HIKESHI: variants seen among roughly 807,000 people sequenced by gnomAD.
HIKESHI encodes the protein protein Hikeshi.
HIKESHI carries 13 observed loss-of-function variants against 25.7 expected under a neutral mutation model. The observed-to-expected ratio is 0.51, with a 90% CI of 0.33 to 0.80. HIKESHI has a LOEUF of 0.80. Among genes scored for constraint, HIKESHI ranks in the 30% least tolerant of loss-of-function variants. The pLI, the probability that HIKESHI is intolerant of heterozygous loss-of-function variation, is 0.02. For missense variants in HIKESHI, 174 were observed against 229.5 expected, an observed-to-expected ratio of 0.76 and a Z score of 1.56; for synonymous variants, 76 against 78.7, an observed-to-expected ratio of 0.97 and a Z score of 0.18.
At position 86,302,356 on chromosome 11, in the gene HIKESHI, C is replaced by T; in HGVS notation, c.-93C>T. 6.7e-7 allele frequency: 1 copy of T among 1,497,840 alleles called. No homozygotes were observed. 92.8% of individuals were successfully genotyped at this position (1,497,840 alleles called of 1,614,324 possible). ...AGGGGCAGACACCCTCCCGCAAATT[C>T]TGGAAGGTTCTTAGTCTCGACTAGG... is the stretch of plus-strand genomic sequence containing the variant. On this transcript the variant is annotated 5_prime_UTR_variant, in exon 1 of 5. Coordinates refer to ENST00000278483, the MANE Select transcript of HIKESHI (RefSeq NM_016401.4).
chr11:86,305,513 A>T (rs1324284753), intron 1 of HIKESHI, among the ~76,000 whole-genome samples: 1 of 151,890 alleles, frequency 6.6e-6, no homozygotes, highest in African/African-American at 2.4e-5. Flanking sequence ...TAGCCTCCCG[A>T]GTACCTGGGA....
At chr11:86,321,913 A>G (rs191393386) in intron 2 of HIKESHI, among the ~76,000 whole-genome samples, 22 of 152,280 alleles carry the variant, frequency 1.4e-4, no homozygotes, top group Middle Eastern at 3.4e-3. Context: ...AGTTTTAAGC[A>G]TTCTAATAGG....
intron 1 of HIKESHI, among the ~76,000 whole-genome samples, chr11:86,305,629 T>C (rs1157517386): frequency 6.6e-6 from 1 of 150,918 alleles, no homozygotes; most frequent in African/African-American, 2.4e-5. Flanking sequence ...CGTGTGATCC[T>C]GGCCTCCCAG....
At chr11:86,338,102 A>G (rs1477475669) in intron 3 of HIKESHI, among the ~76,000 whole-genome samples, 7 of 152,236 alleles carry the variant, frequency 4.6e-5, no homozygotes, top group Non-Finnish European at 7.3e-5. Context: ...TCCATGCTGT[A>G]CAATAGATTT....
At chr11:86,307,458 T>A (rs1946667396) in intron 2 of HIKESHI, among the ~76,000 whole-genome samples, 1 of 139,078 alleles carries the variant, frequency 7.2e-6, no homozygotes, top group African/African-American at 2.6e-5. Flanking sequence ...ATATATTATG[T>A]GTAGTATACA....
chr11:86,302,965 T>C (rs1946534980), intron 1 of HIKESHI, among the ~76,000 whole-genome samples: 1 of 152,192 alleles, frequency 6.6e-6, no homozygotes, highest in Admixed American at 6.5e-5. Flanking sequence ...GGAATGTATA[T>C]CTTTTGGGTC....
intron 2 of HIKESHI, among the ~76,000 whole-genome samples, chr11:86,319,813 T>C (rs907513524): frequency 1.3e-5 from 2 of 152,174 alleles, no homozygotes; most frequent in Non-Finnish European, 1.5e-5. Context: ...GGCAGGATTC[T>C]TATAGGTGGT....
intron 2 of HIKESHI, among the ~76,000 whole-genome samples, chr11:86,307,901 A>G (rs1946695765): frequency 7.9e-6 from 1 of 125,940 alleles, no homozygotes; most frequent in Non-Finnish European, 1.5e-5. Context: ...ACAATATATA[A>G]AATATATATT....
At chr11:86,342,131 C>A (rs187607914) in intron 3 of HIKESHI, among the ~76,000 whole-genome samples, 1 of 152,120 alleles carries the variant, frequency 6.6e-6, no homozygotes, top group African/African-American at 2.4e-5. Context: ...AGCATCTTTG[C>A]ACACTTTTGG....
At chr11:86,328,901 G>C (rs531202961) in intron 2 of HIKESHI, among the ~76,000 whole-genome samples, 4,910 of 114,784 alleles carry the variant, frequency 0.043, 258 homozygotes, top group African/African-American at 0.14. Flanking sequence ...ATTGTGTTTT[G>C]TGTTTTGTGT....
At chr11:86,342,639 G>C (rs1352441704) in intron 3 of HIKESHI, among the ~76,000 whole-genome samples, 1 of 151,694 alleles carries the variant, frequency 6.6e-6, no homozygotes, top group Non-Finnish European at 1.5e-5. Flanking sequence ...GAATATGTTT[G>C]TGTGCAGTAT....
chr11:86,305,131 C>A (rs1286972097), intron 1 of HIKESHI, among the ~76,000 whole-genome samples: 1 of 152,238 alleles, frequency 6.6e-6, no homozygotes, highest in African/African-American at 2.4e-5. Flanking sequence ...TCCCGAGTAG[C>A]TGGGACCAAA....
intron 2 of HIKESHI, among the ~76,000 whole-genome samples, chr11:86,311,348 A>G (rs1707380852): frequency 6.6e-6 from 1 of 152,186 alleles, no homozygotes; most frequent in Non-Finnish European, 1.5e-5. Flanking sequence ...TTATTTGCGT[A>G]GAGGTGTTTA....
At chr11:86,334,481 G>T (rs1377734745) in intron 2 of HIKESHI, among the ~76,000 whole-genome samples, 1 of 152,028 alleles carries the variant, frequency 6.6e-6, no homozygotes, top group Middle Eastern at 3.2e-3. Context: ...TAAAGAACTT[G>T]ATCTAATTTA....
At chr11:86,320,468 C>T (rs1264481837) in intron 2 of HIKESHI, among the ~76,000 whole-genome samples, 1 of 152,136 alleles carries the variant, frequency 6.6e-6, no homozygotes, top group East Asian at 1.9e-4. Context: ...CCCAGCTACT[C>T]GGGAGGCTGA....
At chr11:86,306,509 T>A (rs1467968657) in intron 2 of HIKESHI, 27 bp downstream of exon 2, 1 of 1,375,770 alleles carries the variant, frequency 7.3e-7, no homozygotes, top group Non-Finnish European at 1.0e-6. Flanking sequence ...AAAGTAGTTT[T>A]ATAATTAATC....
intron 2 of HIKESHI, among the ~76,000 whole-genome samples, chr11:86,315,134 A>G (rs532944693): frequency 6.6e-6 from 1 of 152,338 alleles, no homozygotes; most frequent in South Asian, 2.1e-4. Flanking sequence ...AAGTAGAAAA[A>G]TATAAATAGA....
chr11:86,344,201 T>C (rs1450651047), intron 3 of HIKESHI: 1 of 154,242 alleles, frequency 6.5e-6, no homozygotes, highest in African/African-American at 2.4e-5. Context: ...AGGGACATAG[T>C]GGATGCAGAC....
chr11:86,318,362 A>T, intron 2 of HIKESHI, among the ~76,000 whole-genome samples: 1 of 150,968 alleles, frequency 6.6e-6, no homozygotes. Flanking sequence ...TAAAATAATT[A>T]AAATCAGTAA....
Sources: gnomAD v4.1 joint callset for allele counts (sites outside exome capture counted in the v4.1 genomes callset) on GRCh38, gnomAD v4.1.1 for gene constraint, MANE v1.5 for transcripts, NCBI Gene and HGNC (gene_info 2026-07-23, HGNC 2026-07-21) for gene names.